The following RORA variants were observed in gnomAD, a reference collection of about 807,000 sequenced individuals.
RORA encodes the protein RAR related orphan receptor A.
A neutral mutation model predicts 69.5 loss-of-function variants in RORA; 7 were observed. That is an observed-to-expected ratio of 0.10 (90% CI 0.06 to 0.19). The LOEUF (loss-of-function observed/expected upper bound fraction) is 0.19, where lower values mean the gene tolerates loss of function less well. Ranked by LOEUF, RORA falls within the 10% of genes least tolerant of loss-of-function variation. The pLI, the probability that RORA is intolerant of heterozygous loss-of-function variation, is 1.00. For missense variants in RORA, 457 were observed against 663.0 expected (o/e 0.69, Z 3.41); for synonymous variants, 261 against 240.8 (o/e 1.08, Z -0.78).
intron 2 of RORA, among the ~76,000 whole-genome samples, chr15:60,627,994 T>C (rs1471087957): frequency 6.6e-6 from 1 of 152,238 alleles, no homozygotes; most frequent in Non-Finnish European, 1.5e-5. Context: ...TAAACTATTT[T>C]AGGATAGTTT....
At chr15:60,789,299 C>T (rs1406252888) in intron 1 of RORA, among the ~76,000 whole-genome samples, 1 of 152,212 alleles carries the variant, frequency 6.6e-6, no homozygotes, top group Non-Finnish European at 1.5e-5. Flanking sequence ...GAGGCCATCC[C>T]AGCCCGAAGG....
chr15:60,888,351 C>G (rs1567226450), intron 1 of RORA, among the ~76,000 whole-genome samples: 1 of 152,214 alleles, frequency 6.6e-6, no homozygotes. Context: ...TCACCAGTCC[C>G]TGGAGAAGGT....
intron 1 of RORA, among the ~76,000 whole-genome samples, chr15:61,043,100 A>G (rs1896861717): frequency 6.6e-6 from 1 of 152,254 alleles, no homozygotes; most frequent in African/African-American, 2.4e-5. Flanking sequence ...CGTTTTACAC[A>G]GATGATCTCA....
chr15:60,796,095 G>C (rs1393053156), intron 1 of RORA, among the ~76,000 whole-genome samples: 1 of 152,234 alleles, frequency 6.6e-6, no homozygotes, highest in Non-Finnish European at 1.5e-5. Flanking sequence ...ACTGAAAGAA[G>C]CCTGAAGTAG....
chr15:60,917,934 C>A (rs1212625812), intron 1 of RORA, among the ~76,000 whole-genome samples: 1 of 152,236 alleles, frequency 6.6e-6, no homozygotes, highest in Non-Finnish European at 1.5e-5. Flanking sequence ...TCAGACGCAG[C>A]CCTCTGAGCA....
At chr15:60,870,360 C>G (rs1223839868) in intron 1 of RORA, among the ~76,000 whole-genome samples, 1 of 152,182 alleles carries the variant, frequency 6.6e-6, no homozygotes, top group Non-Finnish European at 1.5e-5. Flanking sequence ...GAGCTATGGA[C>G]AGCGATTTTT....
Position 60,514,695 on chromosome 15 carries a change from A to G in RORA, c.345T>C (p.Cys115=), listed in dbSNP as rs1313848333. ...ATYSCPRQKN[C]LIDRTSRNRC... Reference sequence around the variant, plus strand: ...GGTTTCTACTGGTTCGATCAATCAAACAGTTCTTCTGACGAGGACAGGAGT... The same window carrying G: ...GGTTTCTACTGGTTCGATCAATCAAGCAGTTCTTCTGACGAGGACAGGAGT... Residue 115 remains cysteine, a synonymous_variant, in exon 4 of 11, where the codon TGT becomes TGC. Coordinates refer to ENST00000335670, the MANE Select transcript of RORA (RefSeq NM_134261.3). 7 of 1,613,928 alleles carry G rather than the reference A, an allele frequency of 4.3e-6. No individual in the cohort carries two copies. The highest frequency in any genetic ancestry group is 5.9e-6 in the Non-Finnish European group (7 of 1,179,918).
chr15:60,809,790 T>TG (rs1334042373), intron 1 of RORA, among the ~76,000 whole-genome samples: 3 of 15,262 alleles, frequency 2.0e-4, no homozygotes, highest in Non-Finnish European at 3.5e-4. Context: ...TAATATTATG[T>TG]TTTTTTTTTC....
At chr15:60,555,868 C>T (rs994487285) in intron 2 of RORA, among the ~76,000 whole-genome samples, 1 of 151,964 alleles carries the variant, frequency 6.6e-6, no homozygotes, top group Admixed American at 6.6e-5. Context: ...AAAAAGATAA[C>T]CCACTTCTCC....
chr15:60,812,554 T>C (rs1386138975), intron 1 of RORA, among the ~76,000 whole-genome samples: 1 of 152,034 alleles, frequency 6.6e-6, no homozygotes, highest in African/African-American at 2.4e-5. Flanking sequence ...AATGAAATAA[T>C]ATGTGGAGAA....
At chr15:61,026,251 A>G (rs1403739) in intron 1 of RORA, among the ~76,000 whole-genome samples, 27,893 of 152,190 alleles carry the variant, frequency 0.18, 2,805 homozygotes, top group East Asian at 0.29. Flanking sequence ...CGAATTTTAT[A>G]AAGTTCACCG....
At chr15:60,885,549 G>A (rs1417418777) in intron 1 of RORA, among the ~76,000 whole-genome samples, 1 of 152,212 alleles carries the variant, frequency 6.6e-6, no homozygotes, top group African/African-American at 2.4e-5. Context: ...CAGAATTCTG[G>A]AGTAGTGTGT....
chr15:61,067,181 A>G (rs111567366), intron 1 of RORA, among the ~76,000 whole-genome samples: 1,760 of 149,542 alleles, frequency 0.012, 33 homozygotes, highest in African/African-American at 0.041. Flanking sequence ...GCATGATCTC[A>G]GTTCACTGCA....
At chr15:60,904,756 G>A (rs1891485378) in intron 1 of RORA, among the ~76,000 whole-genome samples, 1 of 152,036 alleles carries the variant, frequency 6.6e-6, no homozygotes, top group Non-Finnish European at 1.5e-5. Flanking sequence ...CTTCAACACG[G>A]GCTGCTATCC....
At chr15:61,010,637 T>C (rs1895058155) in intron 1 of RORA, among the ~76,000 whole-genome samples, 1 of 152,202 alleles carries the variant, frequency 6.6e-6, no homozygotes, top group African/African-American at 2.4e-5. Context: ...AACATGATTT[T>C]AATGTGCCCT....
chr15:60,542,982 C>T (rs1219942604), intron 2 of RORA, among the ~76,000 whole-genome samples: 1 of 151,228 alleles, frequency 6.6e-6, no homozygotes, highest in Non-Finnish European at 1.5e-5. Flanking sequence ...CTTACACATA[C>T]ACCTCACCCC....
chr15:61,023,513 G>A (rs1422441881), intron 1 of RORA, among the ~76,000 whole-genome samples: 6 of 152,144 alleles, frequency 3.9e-5, no homozygotes, highest in African/African-American at 1.4e-4. Flanking sequence ...CCCACAACAC[G>A]TGAGAATTAT....
At chr15:61,164,127 T>G (rs962403) in intron 1 of RORA, among the ~76,000 whole-genome samples, 151,608 of 152,092 alleles carry the variant, frequency 1, 75,566 homozygotes, top group Middle Eastern at 1. Flanking sequence ...AGCCCAGGTG[T>G]CTCAGTGGCC....
intron 1 of RORA, chr15:60,848,921 C>G: frequency 6.6e-6 from 1 of 152,226 alleles, no homozygotes; most frequent in South Asian, 2.1e-4. Context: ...AAATCCAAAC[C>G]ATATCACAAC....
Sources: gnomAD v4.1 joint callset for allele counts (sites outside exome capture counted in the v4.1 genomes callset) on GRCh38, gnomAD v4.1.1 for gene constraint, MANE v1.5 for transcripts, NCBI Gene and HGNC (gene_info 2026-07-23, HGNC 2026-07-21) for gene names.